Variants in SNRPN observed in about 807,000 individuals in gnomAD.
The protein encoded by SNRPN is small nuclear ribonucleoprotein polypeptide N.
SNRPN carries 7 observed loss-of-function variants against 25.2 expected under a neutral mutation model. The ratio of observed to expected loss-of-function variants is 0.28; its 90% CI spans 0.16 to 0.52. The LOEUF (loss-of-function observed/expected upper bound fraction) is 0.52. Among genes scored for constraint, SNRPN ranks in the 20% least tolerant of loss-of-function variants. SNRPN has a pLI of 0.96. For synonymous variants in SNRPN, 124 were observed against 110.6 expected (o/e 1.12, Z -0.76); for missense variants, 196 against 322.5 (o/e 0.61, Z 3.00).
intron 1 of SNRPN, among the ~76,000 whole-genome samples, chr15:24,878,245 C>T (rs1302929353): frequency 1.3e-5 from 2 of 152,226 alleles, no homozygotes; most frequent in African/African-American, 4.8e-5. Flanking sequence ...GGGTCTAGGG[C>T]TCCTGAAGCC....
chr15:24,976,807 T>A (rs2077115699), intron 6 of SNRPN, 70 bp from the exon 7 acceptor site: 1 of 1,383,710 alleles, frequency 7.2e-7, no homozygotes, highest in African/African-American at 1.5e-5. Context: ...AGAGAAGTGA[T>A]CTCTGATGAA....
At chr15:24,920,863 C>T (rs1416876825) in intron 3 of SNRPN, among the ~76,000 whole-genome samples, 4 of 152,204 alleles carry the variant, frequency 2.6e-5, no homozygotes, top group Non-Finnish European at 5.9e-5. Context: ...AAGCGAAGCT[C>T]AGACATCATT....
At chr15:24,923,262 C>A (rs1024787633) in intron 3 of SNRPN, among the ~76,000 whole-genome samples, 32 of 152,086 alleles carry the variant, frequency 2.1e-4, no homozygotes, top group African/African-American at 6.8e-4. Context: ...GCAGTTATCA[C>A]CAACACTGCA....
rs183747551 is a variant in SNRPN, at chr15:24,859,218, T to G, written c.-579+2502T>G. ...GACTGGCCAAGGAGAAGCACCCCTC[T>G]GCGCAGAAGTAAAATTGCTTTGCTA... On this transcript the variant is annotated intron_variant, in intron 1 of 11. Coordinates refer to the SNRPN transcript ENST00000400097. Among the ~76,000 whole-genome samples, 444 of 152,320 alleles carry G rather than the reference T, an allele frequency of 2.9e-3. 5 individuals carry two copies. Among genetic ancestry groups the G allele is most frequent in the Non-Finnish European group, 4.8e-3 (326 of 68,024 alleles).
chr15:24,923,112 T>C (rs1595924607), intron 3 of SNRPN, among the ~76,000 whole-genome samples: 1 of 151,912 alleles, frequency 6.6e-6, no homozygotes, highest in East Asian at 1.9e-4. Flanking sequence ...TACCATGTTG[T>C]CCAGGCTGGT....
rs1464399365 is a variant in SNRPN, at chr15:24,929,790, C to T, written c.-391+9666C>T. ...ATTTTTCTGTCAGTATCAGTTTCTGCAAGAGCAAAAATTACATATTTTTAT... is the reference window on the plus strand; with the variant it reads ...ATTTTTCTGTCAGTATCAGTTTCTGTAAGAGCAAAAATTACATATTTTTAT... On this transcript the variant is annotated intron_variant, in intron 3 of 11. Transcript: ENST00000400097. This position sits in a 1 kb window ranked among gnomAD's most constrained non-coding sequence, Gnocchi z 5.3. Among the ~76,000 whole-genome samples the T allele has an allele frequency of 2.0e-5, 3 of 152,128 alleles. No individual in the cohort carries two copies. Among genetic ancestry groups the T allele is most frequent in the Non-Finnish European group, 4.4e-5 (3 of 68,024 alleles).
chr15:24,929,027 T>A lies in SNRPN; in HGVS notation c.-391+8903T>A, dbSNP rs1416498497. Among the ~76,000 whole-genome samples, 1 of 152,172 alleles carries A rather than the reference T, an allele frequency of 6.6e-6. No homozygotes were observed. Reference sequence around the variant, plus strand: ...TGTGTTTTTTCCAAGGAATCCTGATTTCTATTGTGGAGAAGCGTACTTAGA... The same window carrying A: ...TGTGTTTTTTCCAAGGAATCCTGATATCTATTGTGGAGAAGCGTACTTAGA... On this transcript the variant is annotated intron_variant, in intron 3 of 11. Coordinates refer to the SNRPN transcript ENST00000400097. This position sits in a 1 kb window ranked among gnomAD's most constrained non-coding sequence, Gnocchi z 5.3.
intron 2 of SNRPN, among the ~76,000 whole-genome samples, chr15:24,915,361 C>T (rs777251129): frequency 3.9e-5 from 6 of 152,082 alleles, no homozygotes; most frequent in African/African-American, 9.7e-5. Context: ...CTCCTGACAT[C>T]GTGATCTGCC....
chr15:24,965,013 T>C lies in SNRPN; in HGVS notation c.-295+2804T>C, dbSNP rs912162909. ...AGAGTTAGGGAAATAGTATAATTTT[T>C]CCCCCTTGTGCGTTTTCATTTTGAG... is the stretch of plus-strand genomic sequence containing the variant. On this transcript the variant is annotated intron_variant, in intron 2 of 9. Transcript: ENST00000390687. Among the ~76,000 whole-genome samples the C allele has an allele frequency of 9.2e-5, 14 of 152,254 alleles. No individual in the cohort carries two copies. The South Asian group carries it at 2.3e-3, about 25-fold the overall frequency.
At chr15:24,920,090 CCCTTTTA>C (rs2059942516) in exon 3 of SNRPN, 1 of 152,196 alleles carries the variant, frequency 6.6e-6, no homozygotes, top group Non-Finnish European at 1.5e-5. Context: ...TTTTTGCTGC[CCCTTTTA>C]CCAGTGGCTG....
rs201526420 is a variant in SNRPN at position 24,974,503 on chromosome 15, G to A, written c.3+47G>A. The stretch of plus-strand genomic sequence containing the variant: ...AGGGTTGAAATGTGCTGTAAGGGCC[G>A]AAAGAAATAGTTTGCCAGCATGTGC... On this transcript the variant is annotated intron_variant, in intron 4 of 9. Transcript: ENST00000390687. 5.7e-5 allele frequency: 90 copies of A among 1,591,796 alleles called. No homozygotes were observed. The African/African-American group carries it at 8.5e-4, about 15-fold the overall frequency.
intron 3 of SNRPN, among the ~76,000 whole-genome samples, chr15:24,970,211 A>G (rs2076225738): frequency 1.3e-5 from 2 of 152,324 alleles, no homozygotes; most frequent in South Asian, 4.1e-4. Context: ...GTAGTCTTTA[A>G]CAACATTTAA....
At chr15:24,894,070 T>A (rs530313644) in intron 2 of SNRPN, among the ~76,000 whole-genome samples, 1 of 152,262 alleles carries the variant, frequency 6.6e-6, no homozygotes, top group Non-Finnish European at 1.5e-5. Flanking sequence ...CCCTGAGAGC[T>A]GGCAATAGAT....
chr15:24,900,934 A>T (rs544480722), intron 2 of SNRPN, among the ~76,000 whole-genome samples: 1 of 152,204 alleles, frequency 6.6e-6, no homozygotes, highest in South Asian at 2.1e-4. Flanking sequence ...GTATCTACAA[A>T]AAATAAATAA....
intron 2 of SNRPN, among the ~76,000 whole-genome samples, chr15:24,888,105 G>T (rs559025234): frequency 1.4e-5 from 2 of 142,426 alleles, no homozygotes; most frequent in South Asian, 2.2e-4. Context: ...AAATATATTA[G>T]AAATGACTTT....
chr15:24,960,092 C>T (rs2074524063), intron 1 of SNRPN, among the ~76,000 whole-genome samples: 1 of 152,078 alleles, frequency 6.6e-6, no homozygotes, highest in Admixed American at 6.5e-5. Flanking sequence ...TGGTGAAACC[C>T]TGTCTCTACT....
chr15:24,925,349 C>T (rs948368360), intron 3 of SNRPN, among the ~76,000 whole-genome samples: 1 of 152,014 alleles, frequency 6.6e-6, no homozygotes, highest in Non-Finnish European at 1.5e-5. Context: ...CATGGTGGCT[C>T]ACACTTGTAC....
intron 2 of SNRPN, among the ~76,000 whole-genome samples, chr15:24,845,624 G>A (rs1388897008): frequency 3.3e-5 from 5 of 151,898 alleles, no homozygotes; most frequent in Admixed American, 1.3e-4. Context: ...AAAAGAAAAC[G>A]TGAAATAAGT....
At chr15:24,867,593 C>T (rs1443336643) in intron 1 of SNRPN, among the ~76,000 whole-genome samples, 8 of 152,110 alleles carry the variant, frequency 5.3e-5, no homozygotes, top group African/African-American at 1.4e-4. Flanking sequence ...CCAGGATGGT[C>T]CCGATCTCCT....
Sources: allele counts gnomAD v4.1 joint callset (sites outside exome capture counted in the v4.1 genomes callset), GRCh38; gene constraint gnomAD v4.1.1; non-coding constraint Gnocchi (gnomAD v3.1); transcripts MANE v1.5; gene names NCBI Gene and HGNC (gene_info 2026-07-23, HGNC 2026-07-21).